The following CCAR2 variants were observed in gnomAD, a reference collection of about 807,000 sequenced individuals.
CCAR2 encodes the protein cell cycle and apoptosis regulator protein 2.
Under a neutral mutation model 108.1 loss-of-function variants are expected in CCAR2, and 21 were observed. That is an observed-to-expected ratio of 0.19 (90% CI 0.14 to 0.28). The LOEUF (loss-of-function observed/expected upper bound fraction) is 0.28, where lower values mean the gene tolerates loss of function less well. Among genes scored for constraint, CCAR2 ranks in the 10% least tolerant of loss-of-function variants. The pLI is 1.00. For synonymous variants in CCAR2, 577 were observed against 472.8 expected, an observed-to-expected ratio of 1.22 and a Z score of -2.86; for missense variants, 1,126 against 1,177.0, an observed-to-expected ratio of 0.96 and a Z score of 0.63.
chr8:22,612,945 C>T, intron 7 of CCAR2, 72 bp from the exon 8 acceptor site: 4 of 1,463,522 alleles, frequency 2.7e-6, no homozygotes, highest in Middle Eastern at 2.2e-4. Flanking sequence ...GTTTCCAGTT[C>T]TTTTAGTTCA....
intron 2 of CCAR2, 27 bp from the exon 3 acceptor site, chr8:22,606,058 C>T (rs1307426445): frequency 1.3e-6 from 2 of 1,597,326 alleles, no homozygotes; most frequent in Non-Finnish European, 1.7e-6. Flanking sequence ...GGGGCGGTTC[C>T]TGGAGATTGC....
rs77959328 is a variant in CCAR2 at position 22,614,333 on chromosome 8, C to T, written c.927+19C>T. ...TTCGAAGGTAAGCTGACAGGCGTCT[C>T]TCACTTATCTGATTTCTGGAGGCTG... On this transcript the variant is annotated intron_variant, in intron 9 of 20. Transcript: ENST00000308511. 3.9e-3 allele frequency: 6,300 copies of T among 1,613,972 alleles called. 209 individuals carry two copies. The African/African-American group carries it at 0.069, about 18-fold the overall frequency.
chr8:22,611,408 G>GTGTGTGTGTGTGTGTGTGTA (rs1563912379), intron 7 of CCAR2, among the ~76,000 whole-genome samples: 1 of 146,340 alleles, frequency 6.8e-6, no homozygotes, highest in South Asian at 2.1e-4. Context: ...GTGTGTGTAT[G>GTGTGTGTGTGTGTGTGTGTA]TGTGTGTATA....
Position 22,604,813 on chromosome 8 carries a change from TC to T in CCAR2, c.-62del, listed in dbSNP as rs931265953. On this transcript the variant is annotated 5_prime_UTR_variant, in exon 1 of 21. Transcript: ENST00000308511. Reference sequence around the variant, plus strand: ...GCTGTGGTGGTTCCGGGTGTCTTTGTCCCCCCGGTGTCGCTGCCCTGGCCCG... The same window carrying T: ...GCTGTGGTGGTTCCGGGTGTCTTTGTCCCCCGGTGTCGCTGCCCTGGCCCG... 3.7e-5 allele frequency: 17 copies of T among 454,832 alleles called. No individual in the cohort carries two copies. The highest frequency in any genetic ancestry group is 7.1e-5 in the Non-Finnish European group (16 of 226,740). 28.2% of individuals were successfully genotyped at this position (454,832 alleles called of 1,614,324 possible).
rs143541304 is a variant in CCAR2, at chr8:22,606,182, T to A, written c.150+6T>A. 11 of 1,610,422 alleles carry A rather than the reference T, an allele frequency of 6.8e-6. No homozygotes were observed. The highest frequency in any genetic ancestry group is 1.7e-4 in the Middle Eastern group (1 of 6,058). On this transcript the variant is annotated splice_donor_region_variant and intron_variant, in intron 3 of 20. Transcript: ENST00000308511. ...AGAATGCCAGGCACCTTCAGGTAGG[T>A]TCGGCATCCCTTGTAGTAAGTTTCA...
chr8:22,612,725 CATT>C (rs1182608441), intron 7 of CCAR2: 8 of 237,476 alleles, frequency 3.4e-5, no homozygotes, highest in African/African-American at 6.7e-5. Context: ...AGGCTTCCAT[CATT>C]AATATTTTAT....
In CCAR2 at chr8:22,618,702, G is replaced by A; in HGVS notation, c.2306G>A (p.Gly769Asp). ...TACAGCCGCCAGGAGGGCCTGGATG[G>A]TGGCCTTCCCGAGGAGGTGCTCTTC... ...LQYSRQEGLD[G>D]GLPEEVLFGN... Residue 769 changes from glycine to aspartate, a missense_variant, in exon 18 of 21, where the codon GGT becomes GAT. Physicochemically the swap from Gly to Asp is moderately conservative, Grantham distance 94 (BLOSUM62 -1). Around this residue, in one of 4 missense-constraint regions of CCAR2, gnomAD observed 1,013 missense variants for 993.9 expected, o/e 1.02. Coordinates refer to ENST00000308511, the MANE Select transcript of CCAR2 (RefSeq NM_001393997.1). The A allele has an allele frequency of 3.1e-6, 5 of 1,614,066 alleles. No homozygotes were observed. Among genetic ancestry groups the A allele is most frequent in the Non-Finnish European group, 4.2e-6 (5 of 1,180,012 alleles).
At chr8:22,605,530 T>C (rs1801035529) in intron 1 of CCAR2, 1 of 561,440 alleles carries the variant, frequency 1.8e-6, no homozygotes, top group Non-Finnish European at 3.2e-6. Flanking sequence ...CATGCACCAC[T>C]AGGTTATTGT....
intron 16 of CCAR2, chr8:22,618,084 TG>T (rs1801596724): frequency 1.7e-6 from 1 of 586,526 alleles, no homozygotes; most frequent in African/African-American, 1.9e-5. Context: ...AGGTGCTTGA[TG>T]TTTTGTTTTT....
In CCAR2 at chr8:22,619,035, G is replaced by T. The variant is rs200116428; in HGVS notation, c.2521+20G>T. 77 of 1,610,444 alleles carry T rather than the reference G, an allele frequency of 4.8e-5. No homozygotes were observed. The highest frequency in any genetic ancestry group is 6.4e-5 in the Non-Finnish European group (76 of 1,178,532). The stretch of plus-strand genomic sequence containing the variant: ...AGCTGGGTGAGGGCCTGGGGCTGCA[G>T]CCACCATGGGGTCACATGCAGACCA... On this transcript the variant is annotated intron_variant, in intron 19 of 20. Coordinates refer to ENST00000308511, the MANE Select transcript of CCAR2 (RefSeq NM_001393997.1).
intron 7 of CCAR2, among the ~76,000 whole-genome samples, chr8:22,609,460 A>G (rs932604052): frequency 2.6e-5 from 4 of 152,074 alleles, no homozygotes; most frequent in Non-Finnish European, 4.4e-5. Context: ...CCCATTGTGA[A>G]TTCTAAGTAG....
At chr8:22,616,315 T>C in intron 14 of CCAR2, 67 bp downstream of exon 14, 2 of 1,469,142 alleles carry the variant, frequency 1.4e-6, no homozygotes, top group African/African-American at 1.4e-5. Context: ...CCCCGGGCTC[T>C]GTTCCGAGCG....
chr8:22,615,521 T>G lies in CCAR2; in HGVS notation c.1302T>G (p.Pro434=). The change falls in exon 12 of 21, where the codon CCT becomes CCG. Residue 434 remains proline (P), a synonymous_variant. Coordinates refer to ENST00000308511, the MANE Select transcript of CCAR2 (RefSeq NM_001393997.1). ...VYLPDVWTIM[P]TLEEWEALCQ... Reference sequence around the variant, plus strand: ...TGCCGGATGTCTGGACCATCATGCCTACTTTGGAGGAGTGGGAGGCCCTGT... The same window carrying G: ...TGCCGGATGTCTGGACCATCATGCCGACTTTGGAGGAGTGGGAGGCCCTGT... 6.2e-7 allele frequency: 1 copy of G among 1,613,978 alleles called. No individual in the cohort carries two copies. Among genetic ancestry groups the G allele is most frequent in the Non-Finnish European group, 8.5e-7 (1 of 1,180,028 alleles).
intron 13 of CCAR2, 38 bp from the exon 14 acceptor site, chr8:22,615,974 C>T: frequency 6.2e-7 from 1 of 1,612,766 alleles, no homozygotes. Context: ...AGCAGTCTTT[C>T]TTCCTGATGC....
chr8:22,608,975 T>C (rs11136092), intron 7 of CCAR2, among the ~76,000 whole-genome samples: 1 of 151,974 alleles, frequency 6.6e-6, no homozygotes, highest in Admixed American at 6.6e-5. Context: ...ACGTGGAACT[T>C]ATGTAGATTG....
At position 22,616,112 on chromosome 8, in the gene CCAR2, C is replaced by T. The variant is rs202009411; in HGVS notation, c.1709C>T (p.Pro570Leu). 1.9e-6 allele frequency: 3 copies of T among 1,613,900 alleles called. No individual in the cohort carries two copies. Among genetic ancestry groups the T allele is most frequent in the Middle Eastern group, 1.6e-4 (1 of 6,082 alleles). Reference protein sequence around the residue: ...LLSLPEKVVSPPEPEKEEAAK... With the variant: ...LLSLPEKVVSLPEPEKEEAAK... The stretch of plus-strand genomic sequence containing the variant: ...AGCCTTCCTGAAAAGGTCGTGTCCC[C>T]ACCTGAACCTGAGAAGGAGGAGGCG... The change falls in exon 14 of 21, where the codon CCA becomes CTA. Residue 570 changes from proline (P) to leucine (L), a missense_variant. Pro to Leu is a moderately conservative substitution (Grantham distance 98). Around this residue, in one of 4 missense-constraint regions of CCAR2, gnomAD observed 1,013 missense variants for 993.9 expected, o/e 1.02. Coordinates refer to ENST00000308511, the MANE Select transcript of CCAR2 (RefSeq NM_001393997.1).
chr8:22,619,659 G>T lies in CCAR2; in HGVS notation c.2749G>T (p.Glu917Ter). ...VEKADSWVEK[E>*]EPAPSN ...ACAGGCTGACAGCTGGGTGGAGAAG[G>T]AGGAGCCGGCACCTAGCAACTGACG... Residue 917 changes from glutamate (E) to a stop codon, truncating the protein, a stop_gained, in exon 21 of 21, where the codon GAG (glutamate) becomes TAG (stop). Transcript: ENST00000308511. LOFTEE classifies it high-confidence loss of function. 1 of 1,575,688 alleles carries T rather than the reference G, an allele frequency of 6.3e-7. No individual in the cohort carries two copies. Among genetic ancestry groups the T allele is most frequent in the African/African-American group, 1.3e-5 (1 of 74,278 alleles).
intron 7 of CCAR2, 72 bp from the exon 8 acceptor site, chr8:22,612,943 TTC>T (rs1440508457): frequency 3.4e-6 from 5 of 1,466,994 alleles, no homozygotes; most frequent in Non-Finnish European, 4.6e-6. Context: ...TTGTTTCCAG[TTC>T]TTTTAGTTCA....
In CCAR2 at chr8:22,605,819, C is replaced by T. The variant is rs756323589; in HGVS notation, c.46C>T (p.Arg16Cys). Residue 16 changes from arginine to cysteine, a missense_variant, in exon 2 of 21, where the codon CGC (arginine) becomes TGC (cysteine). Transcript: ENST00000308511. Reference sequence around the variant, plus strand: ...GCGGATCAACCCGCTTCCAGGGGGACGCAACTTCTCAGGTGATCACTGTTC... The same window carrying T: ...GCGGATCAACCCGCTTCCAGGGGGATGCAACTTCTCAGGTGATCACTGTTC... ...RQRINPLPGG[R>C]NFSGTASTSL... The T allele has an allele frequency of 6.2e-7, 1 of 1,613,964 alleles. No homozygotes were observed. The highest frequency in any genetic ancestry group is 8.5e-7 in the Non-Finnish European group (1 of 1,179,926).
Sources: allele counts gnomAD v4.1 joint callset (sites outside exome capture counted in the v4.1 genomes callset), GRCh38; gene constraint gnomAD v4.1.1; regional missense constraint gnomAD v4.1.1; transcripts MANE v1.5; gene names NCBI Gene and HGNC (gene_info 2026-07-23, HGNC 2026-07-21).